Variants in ADGRG6 observed in about 807,000 individuals in gnomAD.
ADGRG6 encodes the protein G-protein coupled receptor 126.
ADGRG6 carries 84 observed loss-of-function variants against 142.4 expected under a neutral mutation model. The ratio of observed to expected loss-of-function variants is 0.59; its 90% confidence interval spans 0.49 to 0.71. ADGRG6 has a LOEUF of 0.71. Ranked by LOEUF, ADGRG6 falls within the 30% of genes least tolerant of loss-of-function variation. The probability of loss-of-function intolerance (pLI) is 0.00; values close to 1 mark genes in which losing one functional copy is unlikely to be tolerated. For missense variants in ADGRG6, 1,367 were observed against 1,466.6 expected (o/e 0.93, Z 1.11); for synonymous variants, 521 against 520.5 (o/e 1.00, Z -0.01).
intron 10 of ADGRG6, 35 bp from the exon 11 acceptor site, chr6:142,400,450 G>A (rs1775452409): frequency 1.0e-6 from 1 of 1,002,812 alleles, no homozygotes; most frequent in African/African-American, 1.6e-5. Context: ...AAAAATAGGT[G>A]AATATTTCTC....
At chr6:142,419,262 C>A (rs554166209) in intron 21 of ADGRG6, among the ~76,000 whole-genome samples, 1 of 152,230 alleles carries the variant, frequency 6.6e-6, no homozygotes, top group African/African-American at 2.4e-5. Flanking sequence ...CAGGCTTGAC[C>A]TCTCTGTCAT....
chr6:142,341,485 ACT>A (rs1294584807), intron 2 of ADGRG6, among the ~76,000 whole-genome samples: 1 of 118,940 alleles, frequency 8.4e-6, no homozygotes, highest in African/African-American at 3.3e-5. Context: ...TAGTATATAT[ACT>A]ATATAATATT....
chr6:142,387,340 A>G (rs928608703), intron 6 of ADGRG6, among the ~76,000 whole-genome samples: 2 of 152,208 alleles, frequency 1.3e-5, no homozygotes, highest in Admixed American at 6.5e-5. Flanking sequence ...TTATTGTTCT[A>G]AAAACCTAGT....
chr6:142,314,009 C>G (rs1241604122), intron 2 of ADGRG6, among the ~76,000 whole-genome samples: 2 of 152,136 alleles, frequency 1.3e-5, no homozygotes, highest in African/African-American at 4.8e-5. Context: ...GTGTTTCACT[C>G]AGAATCAAAG....
intron 4 of ADGRG6, among the ~76,000 whole-genome samples, chr6:142,371,561 C>A (rs140703807): frequency 0.028 from 4,257 of 150,292 alleles, 78 homozygotes; most frequent in Admixed American, 0.045. Context: ...TCTCAGCTCA[C>A]TGCAAGCTCT....
chr6:142,412,400 C>T (rs562904565), intron 18 of ADGRG6, among the ~76,000 whole-genome samples: 18 of 152,240 alleles, frequency 1.2e-4, no homozygotes, highest in African/African-American at 4.1e-4. Context: ...TTAAATCTTG[C>T]ACCCTTCTTC....
At chr6:142,343,475 A>T (rs568206225) in intron 2 of ADGRG6, among the ~76,000 whole-genome samples, 1 of 151,958 alleles carries the variant, frequency 6.6e-6, no homozygotes, top group African/African-American at 2.4e-5. Flanking sequence ...ATTTTTCCTC[A>T]TGATCTTATT....
At chr6:142,431,796 G>A (rs758528313) in intron 22 of ADGRG6, among the ~76,000 whole-genome samples, 10 of 151,928 alleles carry the variant, frequency 6.6e-5, no homozygotes, top group Admixed American at 2.0e-4. Flanking sequence ...GGTGGCATGC[G>A]CCTGTAATCC....
At chr6:142,414,284 G>C (rs1260727329) in intron 18 of ADGRG6, among the ~76,000 whole-genome samples, 1 of 151,990 alleles carries the variant, frequency 6.6e-6, no homozygotes, top group African/African-American at 2.4e-5. Flanking sequence ...TAATACACTG[G>C]AAAGTATTTA....
At chr6:142,372,016 T>A (rs1215122820) in intron 4 of ADGRG6, among the ~76,000 whole-genome samples, 1 of 152,336 alleles carries the variant, frequency 6.6e-6, no homozygotes, top group East Asian at 1.9e-4. Context: ...GGATTTATAG[T>A]TTGTTTCAAA....
chr6:142,346,728 A>G (rs551896599), intron 2 of ADGRG6, among the ~76,000 whole-genome samples: 1 of 152,258 alleles, frequency 6.6e-6, no homozygotes, highest in African/African-American at 2.4e-5. Flanking sequence ...CTTTGCAGGG[A>G]CATGAATGAA....
intron 22 of ADGRG6, among the ~76,000 whole-genome samples, chr6:142,435,258 C>T (rs1195204814): frequency 2.6e-5 from 4 of 152,066 alleles, no homozygotes; most frequent in African/African-American, 9.7e-5. Flanking sequence ...TGCTTAGCAG[C>T]GCTTAATAAA....
At chr6:142,376,761 C>T (rs901719447) in intron 4 of ADGRG6, among the ~76,000 whole-genome samples, 27 of 152,094 alleles carry the variant, frequency 1.8e-4, no homozygotes, top group Non-Finnish European at 7.4e-5. Flanking sequence ...GACTAAATTT[C>T]ACTTTAAATA....
intron 4 of ADGRG6, among the ~76,000 whole-genome samples, chr6:142,378,156 T>A (rs1781587398): frequency 6.6e-6 from 1 of 152,244 alleles, no homozygotes; most frequent in Admixed American, 6.5e-5. Context: ...GTTAAATATC[T>A]TGCTCTAAAT....
rs370872563 is a variant in ADGRG6 at position 142,367,830 on chromosome 6, C to T, written c.365C>T (p.Ser122Leu). 6.2e-7 allele frequency: 1 copy of T among 1,613,762 alleles called. No individual in the cohort carries two copies. Among genetic ancestry groups the T allele is most frequent in the South Asian group, 1.1e-5 (1 of 91,084 alleles). ...ACTGCCAAAGGCCTATCATTTAACT[C>T]AAGTGCGAATGAGATGCATGTGTCC... ...GATAKGLSFN[S>L]SANEMHVSFS... The change falls in exon 3 of 25, where the codon TCA becomes TTA. Residue 122 changes from serine (S) to leucine (L), a missense_variant. This residue lies in a region of ADGRG6 where 737 missense variants were observed against 746.5 expected (regional missense o/e 0.99). Coordinates refer to ENST00000367609, the MANE Select transcript of ADGRG6 (RefSeq NM_198569.3).
chr6:142,304,677 T>C (rs1777396486), intron 1 of ADGRG6, among the ~76,000 whole-genome samples: 1 of 152,228 alleles, frequency 6.6e-6, no homozygotes. Flanking sequence ...TTACAGAGTT[T>C]ACGTTTCTGA....
chr6:142,439,600 T>C (rs1777645287), intron 24 of ADGRG6, among the ~76,000 whole-genome samples: 2 of 152,172 alleles, frequency 1.3e-5, no homozygotes, highest in African/African-American at 4.8e-5. Flanking sequence ...TTTTGAGTGT[T>C]TAGACAGTTC....
chr6:142,434,617 G>C (rs79787441), intron 22 of ADGRG6, among the ~76,000 whole-genome samples: 1 of 152,096 alleles, frequency 6.6e-6, no homozygotes, highest in African/African-American at 2.4e-5. Flanking sequence ...CACCGCGTCC[G>C]GCCCTGAAGA....
chr6:142,403,459 A>G lies in ADGRG6; in HGVS notation c.1956-343A>G, dbSNP rs574368127. Reference sequence around the variant, plus strand: ...GCAGTTCACAGAACACTTTTATCGCATTATTTCCTTTGATTCTTGATAAGC... The same window carrying G: ...GCAGTTCACAGAACACTTTTATCGCGTTATTTCCTTTGATTCTTGATAAGC... On this transcript the variant is annotated intron_variant, in intron 13 of 24. Transcript: ENST00000367609. Among the ~76,000 whole-genome samples, 17 of 152,256 alleles carry G rather than the reference A, an allele frequency of 1.1e-4. No individual in the cohort carries two copies. The East Asian group carries it at 2.7e-3, about 24-fold the overall frequency.
Sources: allele counts gnomAD v4.1 joint callset (sites outside exome capture counted in the v4.1 genomes callset), GRCh38; gene constraint gnomAD v4.1.1; regional missense constraint gnomAD v4.1.1; transcripts MANE v1.5; gene names NCBI Gene and HGNC (gene_info 2026-07-23, HGNC 2026-07-21).